PTPN3: variants seen among roughly 807,000 people sequenced by gnomAD.
PTPN3 encodes the protein protein tyrosine phosphatase non-receptor type 3, also known as tyrosine-protein phosphatase non-receptor type 3.
A neutral mutation model predicts 132.7 loss-of-function variants in PTPN3; 96 were observed. The ratio of observed to expected loss-of-function variants is 0.72; its 90% CI spans 0.61 to 0.86. The LOEUF (loss-of-function observed/expected upper bound fraction) is 0.86, where lower values mean the gene tolerates loss of function less well. Ranked by LOEUF, PTPN3 falls within the 40% of genes least tolerant of loss-of-function variation. The pLI, the probability that PTPN3 is intolerant of heterozygous loss-of-function variation, is 0.00. For missense variants in PTPN3, 1,125 were observed against 1,159.6 expected (o/e 0.97, Z 0.43); for synonymous variants, 398 against 429.0 (o/e 0.93, Z 0.89).
At chr9:109,407,241 G>A (rs1262810648) in intron 17 of PTPN3, among the ~76,000 whole-genome samples, 2 of 152,190 alleles carry the variant, frequency 1.3e-5, no homozygotes, top group African/African-American at 4.8e-5. Context: ...TAACTATGGA[G>A]CCAGGTGAGG....
chr9:109,428,961 T>C (rs1843475021), intron 10 of PTPN3: 46 of 985,466 alleles, frequency 4.7e-5, no homozygotes, highest in Non-Finnish European at 5.4e-5. Flanking sequence ...TGCTATAAGC[T>C]GCTTTTGTGG....
intron 1 of PTPN3, among the ~76,000 whole-genome samples, chr9:109,494,163 A>G (rs1009883893): frequency 1.3e-5 from 2 of 152,258 alleles, no homozygotes; most frequent in African/African-American, 2.4e-5. Context: ...TGGGTTCTGC[A>G]TTAGTGAACA....
At chr9:109,458,854 T>C (rs906552740) in intron 2 of PTPN3, among the ~76,000 whole-genome samples, 10 of 152,232 alleles carry the variant, frequency 6.6e-5, no homozygotes, top group Non-Finnish European at 1.5e-4. Flanking sequence ...ATTTAATATA[T>C]ATTATTAACT....
At chr9:109,428,439 G>A (rs1482797676) in intron 11 of PTPN3, among the ~76,000 whole-genome samples, 182 bp downstream of exon 11, 1 of 152,134 alleles carries the variant, frequency 6.6e-6, no homozygotes, top group Non-Finnish European at 1.5e-5. Context: ...AGAACTAAAA[G>A]CTGAAGTAAC....
At chr9:109,408,799 A>ATATATATATATATATATGGGCTT (rs1841812368) in intron 16 of PTPN3, among the ~76,000 whole-genome samples, 2 of 57,516 alleles carry the variant, frequency 3.5e-5, no homozygotes, top group Non-Finnish European at 9.0e-5. Context: ...AAAAAAAAAT[A>ATATATATATATATATATGGGCTT]TATATATATA....
chr9:109,515,718 C>A, the PTPN3 span, among the ~76,000 whole-genome samples: 1 of 152,138 alleles, frequency 6.6e-6, no homozygotes, highest in Non-Finnish European at 1.5e-5. Flanking sequence ...ATGTGTCACA[C>A]GGCAAGAGAG....
At chr9:109,481,868 A>G (rs760715722) in intron 1 of PTPN3, among the ~76,000 whole-genome samples, 2 of 152,196 alleles carry the variant, frequency 1.3e-5, no homozygotes, top group Non-Finnish European at 2.9e-5. Context: ...GAGGCACCCA[A>G]GTTTACTTCT....
chr9:109,454,518 T>C lies in PTPN3; in HGVS notation c.346A>G (p.Thr116Ala), dbSNP rs746331303. ...TACCTGGTTTGTTCTTGCTGCAGTGTGTTGGGATCAGGTATAAAAAATCTT... is the reference window on the plus strand; with the variant it reads ...TACCTGGTTTGTTCTTGCTGCAGTGCGTTGGGATCAGGTATAAAAAATCTT... ...RVRFFIPDPN[T>A]LQQEQTRHLY... The change falls in exon 5 of 26, where the codon ACA (threonine) becomes GCA (alanine). Residue 116 changes from threonine (T) to alanine (A), a missense_variant. Coordinates refer to ENST00000374541, the MANE Select transcript of PTPN3 (RefSeq NM_002829.4). 5.0e-6 allele frequency: 8 copies of C among 1,613,300 alleles called. No individual in the cohort carries two copies. The highest frequency in any genetic ancestry group is 6.8e-6 in the Non-Finnish European group (8 of 1,179,878).
At chr9:109,414,150 G>A (rs1270950779) in intron 14 of PTPN3, among the ~76,000 whole-genome samples, 2 of 152,236 alleles carry the variant, frequency 1.3e-5, no homozygotes, top group African/African-American at 4.8e-5. Context: ...ATCACCCGAG[G>A]TGATTGGGTG....
At chr9:109,521,751 G>A in the PTPN3 span, among the ~76,000 whole-genome samples, 6 of 152,322 alleles carry the variant, frequency 3.9e-5, no homozygotes, top group South Asian at 4.1e-4. Flanking sequence ...AAGCAAAGAC[G>A]AGGTCTAGCT....
At chr9:109,396,300 G>T (rs143628942) in intron 19 of PTPN3, among the ~76,000 whole-genome samples, 50 of 152,302 alleles carry the variant, frequency 3.3e-4, no homozygotes, top group African/African-American at 1.2e-3. Flanking sequence ...TTTCTGGAAG[G>T]GTCAGGGATG....
At chr9:109,438,627 C>T (rs1417401042) in intron 7 of PTPN3, among the ~76,000 whole-genome samples, 1 of 152,226 alleles carries the variant, frequency 6.6e-6, no homozygotes, top group Non-Finnish European at 1.5e-5. Context: ...ATATGCCACA[C>T]ACGGTGCAGG....
At chr9:109,534,143 C>T in the PTPN3 span, 1 of 813,336 alleles carries the variant, frequency 1.2e-6, no homozygotes, top group Non-Finnish European at 2.2e-6. Context: ...AACCATTTTA[C>T]TGTTCCCAAA....
chr9:109,474,382 C>G (rs777657404), intron 1 of PTPN3, among the ~76,000 whole-genome samples: 1 of 152,140 alleles, frequency 6.6e-6, no homozygotes, highest in Non-Finnish European at 1.5e-5. Flanking sequence ...TTTACTCTCT[C>G]GATGTTCATT....
chr9:109,406,755 ATTTG>A, intron 17 of PTPN3, 137 bp from the exon 18 acceptor site: 10 of 996,918 alleles, frequency 1.0e-5, no homozygotes, highest in African/African-American at 1.6e-5. Flanking sequence ...TACTGTCATT[ATTTG>A]TATAATGCAT....
chr9:109,431,767 C>T (rs1188758140), intron 10 of PTPN3, among the ~76,000 whole-genome samples: 1 of 152,156 alleles, frequency 6.6e-6, no homozygotes, highest in Non-Finnish European at 1.5e-5. Flanking sequence ...AAAGTCCAGG[C>T]TCTGGAGCTA....
chr9:109,391,847 C>T (rs1024798871), intron 19 of PTPN3, among the ~76,000 whole-genome samples: 5 of 99,786 alleles, frequency 5.0e-5, no homozygotes, highest in Middle Eastern at 0.012. Flanking sequence ...AACTATTTGA[C>T]AAGAGCTAAA....
Position 109,376,655 on chromosome 9 carries a change from T to A in PTPN3, c.*2901A>T, listed in dbSNP as rs947977623. The A allele has an allele frequency of 6.6e-6, 1 of 152,202 alleles. No homozygotes were observed. The highest frequency in any genetic ancestry group is 6.5e-5 in the Admixed American group (1 of 15,284). 9.4% of individuals were successfully genotyped at this position (152,202 alleles called of 1,614,324 possible). On this transcript the variant is annotated 3_prime_UTR_variant, in exon 26 of 26. Transcript: ENST00000374541. The stretch of plus-strand genomic sequence containing the variant: ...ACATAGGATGTAAATGTCTTCTCCA[T>A]TCATATGCAGCCAAATTTCCCAGGC...
At chr9:109,458,997 CGA>C (rs1845697453) in intron 2 of PTPN3, among the ~76,000 whole-genome samples, 1 of 152,170 alleles carries the variant, frequency 6.6e-6, no homozygotes, top group Non-Finnish European at 1.5e-5. Context: ...GCAGAGGCAC[CGA>C]GAGGCTCCGT....
Sources: gnomAD v4.1 joint callset for allele counts (sites outside exome capture counted in the v4.1 genomes callset) on GRCh38, gnomAD v4.1.1 for gene constraint, MANE v1.5 for transcripts, NCBI Gene and HGNC (gene_info 2026-07-23, HGNC 2026-07-21) for gene names.